Variants in S1PR2 observed in about 807,000 individuals in gnomAD.
S1PR2 encodes the protein sphingosine-1-phosphate receptor 2, also known as sphingosine 1-phosphate receptor 2.
S1PR2 carries 9 observed loss-of-function variants against 16.1 expected under a neutral mutation model. That is an observed-to-expected ratio of 0.56 (90% CI 0.34 to 0.98). The LOEUF (loss-of-function observed/expected upper bound fraction) is 0.98, where lower values mean the gene tolerates loss of function less well. Ranked by LOEUF, S1PR2 falls within the 50% of genes least tolerant of loss-of-function variation. The probability of loss-of-function intolerance (pLI) is 0.02; values close to 1 mark genes in which losing one functional copy is unlikely to be tolerated. For synonymous variants in S1PR2, 224 were observed against 233.9 expected (o/e 0.96, Z 0.38); for missense variants, 361 against 488.4 (o/e 0.74, Z 2.46).
At chr19:10,230,611 T>C (rs2039667991) in intron 1 of S1PR2, 1 of 152,956 alleles carries the variant, frequency 6.5e-6, no homozygotes, top group African/African-American at 2.4e-5. Flanking sequence ...CACGCGCGCC[T>C]TCACCCACGA....
chr19:10,224,210 G>A lies in S1PR2; in HGVS notation c.696C>T (p.Leu232=), dbSNP rs1448083468. The A allele has an allele frequency of 3.1e-6, 5 of 1,612,804 alleles. No individual in the cohort carries two copies. The change falls in exon 2 of 2, where the codon CTC becomes CTT. Residue 232 remains leucine, a synonymous_variant. Transcript: ENST00000646641. ...CGCCTAGCACGATGGTGACCGTCTT[G>A]AGCAGGGCTAGCGTCTGCGGGGCGG... The part of the protein sequence containing the change: ...DMAAPQTLAL[L]KTVTIVLGVF...
At chr19:10,225,310 ACTC>A (rs1177420588) in intron 1 of S1PR2, among the ~76,000 whole-genome samples, 2 of 150,152 alleles carry the variant, frequency 1.3e-5, no homozygotes, top group African/African-American at 4.9e-5. Flanking sequence ...GCAGCCTTGA[ACTC>A]CTGGGCTCAA....
At position 10,227,582 on chromosome 19, in the gene S1PR2, G is replaced by A. The variant is rs537315924; in HGVS notation, c.-42-2635C>T. On this transcript the variant is annotated intron_variant, in intron 1 of 1. Transcript: ENST00000646641. ...CCAGGCAGGCTTGGGCCCAGGCTGCGGCTGGATCAGACACAGCTGATGGGC... is the reference window on the plus strand; with the variant it reads ...CCAGGCAGGCTTGGGCCCAGGCTGCAGCTGGATCAGACACAGCTGATGGGC... 2.6e-5 allele frequency among the ~76,000 whole-genome samples: 4 copies of A among 152,342 alleles called. No individual in the cohort carries two copies. In the East Asian group the frequency reaches 5.8e-4, roughly 22 times the overall value.
Position 10,222,595 on chromosome 19 carries a change from G to A in S1PR2, c.*1249C>T, listed in dbSNP as rs2039599907. The A allele has an allele frequency of 6.6e-6, 1 of 152,306 alleles. No homozygotes were observed. The highest frequency in any genetic ancestry group is 1.5e-5 in the Non-Finnish European group (1 of 68,042). 9.4% of individuals were successfully genotyped at this position (152,306 alleles called of 1,614,324 possible). ...ATAGTGCAACTGAGCAATGAGGTCT[G>A]AGAATGAGGAATGGACCTCAGCCGC... On this transcript the variant is annotated 3_prime_UTR_variant, in exon 2 of 2. Transcript: ENST00000646641.
intron 1 of S1PR2, among the ~76,000 whole-genome samples, chr19:10,227,943 G>A (rs2039646067): frequency 6.6e-6 from 1 of 152,084 alleles, no homozygotes; most frequent in South Asian, 2.1e-4. Flanking sequence ...GGAGCACGCT[G>A]TGCAGTGCAG....
At position 10,224,080 on chromosome 19, in the gene S1PR2, C is replaced by G. The variant is rs146537931; in HGVS notation, c.826G>C (p.Val276Leu). The stretch of plus-strand genomic sequence containing the variant: ...TTGAGCAGGGAATTCAGGGTGGAGA[C>G]GGCGAAAAAGTAGTGGGCTTTGTAG... Reference protein sequence around the residue: ...ILYKAHYFFAVSTLNSLLNPV... With the variant: ...ILYKAHYFFALSTLNSLLNPV... Residue 276 changes from valine (V) to leucine (L), a missense_variant, in exon 2 of 2, where the codon GTC becomes CTC. By Grantham distance (32) the Val-to-Leu change is conservative. Transcript: ENST00000646641. The G allele has an allele frequency of 6.2e-7, 1 of 1,606,928 alleles. No homozygotes were observed. Among genetic ancestry groups the G allele is most frequent in the African/African-American group, 1.3e-5 (1 of 74,910 alleles).
intron 1 of S1PR2, among the ~76,000 whole-genome samples, chr19:10,225,859 C>G (rs1449932115): frequency 6.6e-6 from 1 of 150,994 alleles, no homozygotes. Flanking sequence ...TTATTATTTT[C>G]TAGAGATAGG....
chr19:10,224,750 A>G lies in S1PR2; in HGVS notation c.156T>C (p.Leu52=), dbSNP rs1213270704. 1 of 1,614,244 alleles carries G rather than the reference A, an allele frequency of 6.2e-7. No homozygotes were observed. The highest frequency in any genetic ancestry group is 8.5e-7 in the Non-Finnish European group (1 of 1,180,044). The change falls in exon 2 of 2, where the codon CTT becomes CTC. Residue 52 remains leucine (L), a synonymous_variant. Transcript: ENST00000646641. ...ILCCAIVVEN[L]LVLIAVARNS... ...TTCGGGCCACCGCAATGAGCACCAG[A>G]AGGTTTTCCACCACAATGGCGCAAC...
rs2039608781 is a variant in S1PR2, at chr19:10,223,710, A to G, written c.*134T>C. On this transcript the variant is annotated 3_prime_UTR_variant, in exon 2 of 2. Coordinates refer to ENST00000646641, the MANE Select transcript of S1PR2 (RefSeq NM_004230.4). ...CCTTATCTGGCCTTTCCAGGTGTGAAATATTTGCAACATCACCCAGGTCTG... is the reference window on the plus strand; with the variant it reads ...CCTTATCTGGCCTTTCCAGGTGTGAGATATTTGCAACATCACCCAGGTCTG... 1.2e-6 allele frequency: 1 copy of G among 835,244 alleles called. No homozygotes were observed. Among genetic ancestry groups the G allele is most frequent in the Non-Finnish European group, 1.8e-6 (1 of 544,080 alleles). The allele number at this position is 835,244 out of a possible 1,614,324, so 51.7% of individuals were successfully genotyped here.
chr19:10,223,483 C>T lies in S1PR2; in HGVS notation c.*361G>A, dbSNP rs2039607096. 4.7e-6 allele frequency: 1 copy of T among 213,572 alleles called. No individual in the cohort carries two copies. Among genetic ancestry groups the T allele is most frequent in the African/African-American group, 2.3e-5 (1 of 42,798 alleles). The allele number at this position is 213,572 out of a possible 1,614,324, so 13.2% of individuals were successfully genotyped here. On this transcript the variant is annotated 3_prime_UTR_variant, in exon 2 of 2. Transcript: ENST00000646641. Reference sequence around the variant, plus strand: ...CCTGGGCAGCAGTGCAAGATTCCGTCTCAAAAAAAAAAAAAAATCCTTTGT... The same window carrying T: ...CCTGGGCAGCAGTGCAAGATTCCGTTTCAAAAAAAAAAAAAAATCCTTTGT...
rs1241258260 is a variant in S1PR2 at position 10,224,173 on chromosome 19, A to C, written c.733T>G (p.Cys245Gly). Residue 245 changes from cysteine (C) to glycine (G), a missense_variant, in exon 2 of 2, where the codon TGC becomes GGC. Physicochemically the swap from Cys to Gly is radical, Grantham distance 159 (BLOSUM62 -3). Coordinates refer to ENST00000646641, the MANE Select transcript of S1PR2 (RefSeq NM_004230.4). Reference sequence around the variant, plus strand: ...AGGATGCTGAAGGCGGGCAGCCAGCAGACGATAAAGACGCCTAGCACGATG... The same window carrying C: ...AGGATGCTGAAGGCGGGCAGCCAGCCGACGATAAAGACGCCTAGCACGATG... Reference protein sequence around the residue: ...VTIVLGVFIVCWLPAFSILLL... With the variant: ...VTIVLGVFIVGWLPAFSILLL... 3.7e-6 allele frequency: 6 copies of C among 1,609,064 alleles called. No individual in the cohort carries two copies. Among genetic ancestry groups the C allele is most frequent in the South Asian group, 2.2e-5 (2 of 91,094 alleles).
chr19:10,229,724 T>C (rs948348541), intron 1 of S1PR2, among the ~76,000 whole-genome samples: 6 of 151,946 alleles, frequency 3.9e-5, no homozygotes, highest in Admixed American at 2.0e-4. Flanking sequence ...TATTTAAAGG[T>C]CACTTCCTCA....
At chr19:10,225,663 G>T (rs745857039) in intron 1 of S1PR2, among the ~76,000 whole-genome samples, 1 of 151,530 alleles carries the variant, frequency 6.6e-6, no homozygotes, top group Non-Finnish European at 1.5e-5. Flanking sequence ...CTCTCAAAGC[G>T]CTGGGATTAC....
intron 1 of S1PR2, among the ~76,000 whole-genome samples, chr19:10,230,220 G>T (rs566615967): frequency 1.3e-5 from 2 of 152,322 alleles, no homozygotes; most frequent in African/African-American, 2.4e-5. Flanking sequence ...ATCTGGTTTA[G>T]GAATGCGCGG....
chr19:10,227,838 T>TG (rs1306137922), intron 1 of S1PR2, among the ~76,000 whole-genome samples: 1 of 152,088 alleles, frequency 6.6e-6, no homozygotes, highest in Non-Finnish European at 1.5e-5. Context: ...GCCTGACCTC[T>TG]GGGTCACCCC....
chr19:10,224,393 G>A lies in S1PR2; in HGVS notation c.513C>T (p.Asn171=), dbSNP rs1168179043. Reference sequence around the variant, plus strand: ...AGCAGGCCTCGAGGTGGCCCAGGCAGTTCCAGCCAAGGATGGGCAGGCCAC... The same window carrying A: ...AGCAGGCCTCGAGGTGGCCCAGGCAATTCCAGCCAAGGATGGGCAGGCCAC... ...VLGGLPILGW[N]CLGHLEACST... Residue 171 remains asparagine (N), a synonymous_variant, in exon 2 of 2, where the codon AAC becomes AAT. Transcript: ENST00000646641. 8 of 1,613,714 alleles carry A rather than the reference G, an allele frequency of 5.0e-6. No individual in the cohort carries two copies. The African/African-American group carries it at 1.1e-4, about 22-fold the overall frequency.
rs777435510 is a variant in S1PR2, at chr19:10,224,810, G to T, written c.96C>A (p.Ser32=). The part of the protein sequence containing the change: ...KETLETQETT[S]RQVASAFIVI... ...CGATGAAGGCCGAGGCCACCTGGCGGGAGGTCGTCTCCTGCGTTTCCAGCG... is the reference window on the plus strand; with the variant it reads ...CGATGAAGGCCGAGGCCACCTGGCGTGAGGTCGTCTCCTGCGTTTCCAGCG... Residue 32 remains serine (S), a synonymous_variant, in exon 2 of 2, where the codon TCC becomes TCA. Transcript: ENST00000646641. 2 of 1,614,262 alleles carry T rather than the reference G, an allele frequency of 1.2e-6. No homozygotes were observed. Among genetic ancestry groups the T allele is most frequent in the South Asian group, 1.1e-5 (1 of 91,086 alleles).
intron 1 of S1PR2, among the ~76,000 whole-genome samples, chr19:10,228,561 C>T (rs73015138): frequency 0.14 from 20,977 of 152,146 alleles, 1,537 homozygotes; most frequent in Middle Eastern, 0.19. Context: ...AGCACTTGGG[C>T]GGTTGACGCC....
In S1PR2 at chr19:10,223,596, T is replaced by TCC; in HGVS notation, c.*246_*247dup. 1 of 460,326 alleles carries TCC rather than the reference T, an allele frequency of 2.2e-6. No individual in the cohort carries two copies. Among genetic ancestry groups the TCC allele is most frequent in the Non-Finnish European group, 3.8e-6 (1 of 262,964 alleles). The allele number at this position is 460,326 out of a possible 1,614,324, so 28.5% of individuals were successfully genotyped here. A position where few individuals can be genotyped will look rare whatever the true frequency, so the allele number is the denominator to read the frequency against. On this transcript the variant is annotated 3_prime_UTR_variant, in exon 2 of 2. Coordinates refer to ENST00000646641, the MANE Select transcript of S1PR2 (RefSeq NM_004230.4). ...TCTTCACAGGTCCCCTGCCCTGGCC[T>TCC]CCCCAGGATCCAGTTCTAAAGGGGT... is the stretch of plus-strand genomic sequence containing the variant.
Sources: gnomAD v4.1 joint callset for allele counts (sites outside exome capture counted in the v4.1 genomes callset) on GRCh38, gnomAD v4.1.1 for gene constraint, MANE v1.5 for transcripts, NCBI Gene and HGNC (gene_info 2026-07-23, HGNC 2026-07-21) for gene names.